The following UPRT variants were observed in gnomAD, a reference collection of about 807,000 sequenced individuals.
The protein encoded by UPRT is RP11-311P8.3.
In UPRT, 5 loss-of-function variants were observed where a neutral mutation model predicts 22.6. The observed-to-expected ratio is 0.22, with a 90% CI of 0.12 to 0.47. The LOEUF is 0.47. Among genes scored for constraint, UPRT ranks in the 20% least tolerant of loss-of-function variants. The pLI is 0.99. For missense variants in UPRT, 181 were observed against 239.9 expected (o/e 0.75, Z 1.62); for synonymous variants, 77 against 87.7 (o/e 0.88, Z 0.68).
chrX:75,170,973 C>G (rs1187175180), intron 4 of UPRT, among the ~76,000 whole-genome samples: 1 of 111,415 alleles, frequency 9.0e-6, no homozygotes, highest in Non-Finnish European at 1.9e-5. Context: ...TTTATAGGTT[C>G]CCTGGTGTTT....
intron 4 of UPRT, among the ~76,000 whole-genome samples, chrX:75,192,938 T>C (rs2082320690): frequency 8.9e-6 from 1 of 112,015 alleles, no homozygotes; most frequent in Non-Finnish European, 1.9e-5. Flanking sequence ...GCCTTTTATT[T>C]GATGCATTAA....
chrX:75,230,670 C>T (rs1333003410), intron 4 of UPRT, among the ~76,000 whole-genome samples: 1 of 112,037 alleles, frequency 8.9e-6, no homozygotes, highest in Non-Finnish European at 1.9e-5. Context: ...CTAAACAAAA[C>T]TACAACCAGG....
At chrX:75,291,182 T>G (rs2082705692) in intron 1 of UPRT, among the ~76,000 whole-genome samples, 1 of 111,700 alleles carries the variant, frequency 9.0e-6, no homozygotes, top group Non-Finnish European at 1.9e-5. Context: ...CAATTTAAAA[T>G]ATGCTCAGCT....
intron 4 of UPRT, among the ~76,000 whole-genome samples, chrX:75,245,339 G>A (rs2082501395): frequency 9.0e-6 from 1 of 110,920 alleles, no homozygotes; most frequent in Non-Finnish European, 1.9e-5. Flanking sequence ...ACACACTGCG[G>A]GTGGAAATGT....
intron 4 of UPRT, among the ~76,000 whole-genome samples, chrX:75,172,238 C>T (rs1322602150): frequency 9.0e-6 from 1 of 111,045 alleles, no homozygotes; most frequent in Non-Finnish European, 1.9e-5. Flanking sequence ...AGCTCAGACT[C>T]TCTTTGGGCT....
intron 4 of UPRT, among the ~76,000 whole-genome samples, chrX:75,179,920 C>G: frequency 8.9e-6 from 1 of 112,890 alleles, no homozygotes; most frequent in Admixed American, 9.3e-5. Context: ...TCCCTGCAAG[C>G]TGAGGGAGTG....
chrX:75,230,425 C>A (rs2082434808), intron 4 of UPRT, among the ~76,000 whole-genome samples: 1 of 111,714 alleles, frequency 9.0e-6, no homozygotes, highest in South Asian at 3.8e-4. Flanking sequence ...CAACATAGGG[C>A]AAGATTATAT....
exon 2 of UPRT, among the ~76,000 whole-genome samples, chrX:75,160,629 A>C (rs928057882): frequency 8.9e-6 from 1 of 111,885 alleles, no homozygotes; most frequent in African/African-American, 3.3e-5. Context: ...GCTCCTGGAC[A>C]AGGGATCCTC....
intron 4 of UPRT, among the ~76,000 whole-genome samples, chrX:75,200,050 C>G (rs1008876348): frequency 8.9e-6 from 1 of 112,166 alleles, no homozygotes; most frequent in Non-Finnish European, 1.9e-5. Flanking sequence ...CCTACTTTTA[C>G]TAATGGTGGT....
chrX:75,222,346 C>T lies in UPRT; in HGVS notation c.-447+54467C>T, dbSNP rs1336391619. ...CACTGTAACCACTACCTGGCCACTG[C>T]CTATGTATGCTCAAGGCTCTAGGGC... is the stretch of plus-strand genomic sequence containing the variant. On this transcript the variant is annotated intron_variant, in intron 4 of 13. Transcript: ENST00000652605. Among the ~76,000 whole-genome samples the T allele has an allele frequency of 6.3e-5, 7 of 111,401 alleles. No homozygotes were observed. The East Asian group carries it at 1.7e-3, about 27-fold the overall frequency.
chrX:75,245,055 T>TAA (rs758226785), intron 4 of UPRT, among the ~76,000 whole-genome samples: 1 of 109,287 alleles, frequency 9.2e-6, no homozygotes, highest in African/African-American at 3.3e-5. Flanking sequence ...CAGAATCTAT[T>TAA]AAAAAAAACT....
At chrX:75,232,927 C>A (rs2082444434) in intron 4 of UPRT, among the ~76,000 whole-genome samples, 2 of 112,383 alleles carry the variant, frequency 1.8e-5, no homozygotes, top group African/African-American at 6.5e-5. Flanking sequence ...CAGAACAAAG[C>A]TGGACGGAGA....
intron 5 of UPRT, 44 bp from the exon 6 acceptor site, chrX:75,300,823 G>T: frequency 8.5e-5 from 83 of 974,734 alleles, no homozygotes; most frequent in Non-Finnish European, 1.1e-4. Context: ...ATTTAAAAAT[G>T]AATGTTAAGG....
At chrX:75,181,919 G>T (rs1033337395) in intron 4 of UPRT, among the ~76,000 whole-genome samples, 32 of 111,634 alleles carry the variant, frequency 2.9e-4, no homozygotes, top group Non-Finnish European at 3.4e-4. Flanking sequence ...TTCTTGTCTT[G>T]TTCTGGTTTT....
At position 75,194,325 on chromosome X, in the gene UPRT, T is replaced by C. The variant is rs1602448721; in HGVS notation, c.-447+26446T>C. On this transcript the variant is annotated intron_variant, in intron 4 of 13. Coordinates refer to the UPRT transcript ENST00000652605. ...CTCTGGCCCCTTGAGGTTTGGAACC[T>C]GCTGCACTAGAGAGGCCAAAGTGTT... Among the ~76,000 whole-genome samples the C allele has an allele frequency of 4.5e-5, 5 of 111,529 alleles. No homozygotes were observed. The South Asian group carries it at 1.9e-3, about 42-fold the overall frequency.
rs1234436352 is a variant in UPRT, at chrX:75,304,046, C to G, written c.*535C>G. On this transcript the variant is annotated 3_prime_UTR_variant, in exon 7 of 7. Transcript: ENST00000373383. ...TAATGTCCTCATTCAGTTGGCAGAC[C>G]TAGGATGTATGGTTAACTCTCAGGC... The G allele has an allele frequency of 3.6e-5, 4 of 112,474 alleles. No individual in the cohort carries two copies. The allele number at this position is 112,474 out of a possible 1,213,427, so 9.3% of individuals were successfully genotyped here.
intron 4 of UPRT, among the ~76,000 whole-genome samples, chrX:75,189,810 C>A (rs752108485): frequency 1.8e-5 from 2 of 111,596 alleles, no homozygotes; most frequent in African/African-American, 3.3e-5. Context: ...GCGACCCTTG[C>A]CTTTTTTATT....
intron 1 of UPRT, among the ~76,000 whole-genome samples, chrX:75,157,918 T>TA (rs1319063364): frequency 8.9e-6 from 1 of 112,433 alleles, no homozygotes; most frequent in African/African-American, 3.2e-5. Context: ...CAGCATCTAT[T>TA]CTGTGTTAGA....
At position 75,184,034 on chromosome X, in the gene UPRT, C is replaced by CCCAAAAG. The variant is rs778045079; in HGVS notation, c.-447+16158_-447+16159insAAAGCCA. Among the ~76,000 whole-genome samples the CCCAAAAG allele has an allele frequency of 8.0e-5, 9 of 112,128 alleles. No homozygotes were observed. The South Asian group carries it at 3.3e-3, about 41-fold the overall frequency. On this transcript the variant is annotated intron_variant, in intron 4 of 13. Coordinates refer to the UPRT transcript ENST00000652605. ...CAGAAGCACTTTAGTTTAACTAGAT[C>CCCAAAAG]CCATTTGTCAATTTTGGCTTTTGTT...
Sources: gnomAD v4.1 joint callset for allele counts (sites outside exome capture counted in the v4.1 genomes callset) on GRCh38, gnomAD v4.1.1 for gene constraint, MANE v1.5 for transcripts, NCBI Gene and HGNC (gene_info 2026-07-23, HGNC 2026-07-21) for gene names.